Variants in SMARCAD1 observed in about 807,000 individuals in gnomAD.
SMARCAD1 encodes SNF2 related chromatin remodeling ATPase with DExD box 1, also known as SWI/SNF-related matrix-associated actin-dependent regulator of chromatin subfamily A containing DEAD/H box 1.
In SMARCAD1, 25 loss-of-function variants were observed where a neutral mutation model predicts 127.1. That is an observed-to-expected ratio of 0.20 (90% CI 0.14 to 0.27). SMARCAD1 has a LOEUF of 0.27. Ranked by LOEUF, SMARCAD1 falls within the 10% of genes least tolerant of loss-of-function variation. The pLI is 1.00. For synonymous variants in SMARCAD1, 400 were observed against 396.9 expected (o/e 1.01, Z -0.09); for missense variants, 807 against 1,206.0 (o/e 0.67, Z 4.90).
intron 5 of SMARCAD1, among the ~76,000 whole-genome samples, chr4:94,239,967 T>A (rs535746940): frequency 6.6e-6 from 1 of 152,304 alleles, no homozygotes; most frequent in East Asian, 1.9e-4. Context: ...AAATATTACA[T>A]TTAGAATATT....
intron 2 of SMARCAD1, among the ~76,000 whole-genome samples, chr4:94,212,417 C>T (rs1213031955): frequency 6.6e-6 from 1 of 151,902 alleles, no homozygotes; most frequent in Non-Finnish European, 1.5e-5. Context: ...TCAAGTGATC[C>T]ACGTGCCTTG....
intron 2 of SMARCAD1, among the ~76,000 whole-genome samples, 191 bp from the exon 3 acceptor site, chr4:94,225,928 A>G (rs1319500112): frequency 1.3e-5 from 2 of 152,216 alleles, no homozygotes; most frequent in African/African-American, 4.8e-5. Flanking sequence ...TTAGTAAACA[A>G]CCTGTGAAAC....
At chr4:94,277,263 T>C in intron 16 of SMARCAD1, 104 bp downstream of exon 16, 1 of 1,317,560 alleles carries the variant, frequency 7.6e-7, no homozygotes, top group Admixed American at 1.7e-5. Context: ...ATATGCTCTA[T>C]GAAGTAACTT....
At chr4:94,208,317 T>C in intron 1 of SMARCAD1, 29 bp from the exon 2 acceptor site, 1 of 1,493,836 alleles carries the variant, frequency 6.7e-7, no homozygotes, top group Non-Finnish European at 9.3e-7. Flanking sequence ...TTCATGGCCT[T>C]TTTTCCTCTC....
chr4:94,239,711 T>C (rs1747291377), intron 5 of SMARCAD1, among the ~76,000 whole-genome samples: 1 of 152,056 alleles, frequency 6.6e-6, no homozygotes, highest in Non-Finnish European at 1.5e-5. Context: ...TAGCTGGGAC[T>C]ACAGGCATGC....
chr4:94,277,235 T>C, intron 16 of SMARCAD1, 76 bp downstream of exon 16: 5 of 1,549,776 alleles, frequency 3.2e-6, no homozygotes, highest in Non-Finnish European at 4.4e-6. Context: ...TAGGTCTCTT[T>C]TGTTGTTTTC....
At chr4:94,275,046 G>A in intron 14 of SMARCAD1, 81 bp downstream of exon 14, 1 of 980,602 alleles carries the variant, frequency 1.0e-6, no homozygotes, top group Non-Finnish European at 1.6e-6. Context: ...GTACTATGTA[G>A]GAAAGTTTAT....
chr4:94,216,461 T>C (rs1197975210), intron 2 of SMARCAD1, among the ~76,000 whole-genome samples: 1 of 152,162 alleles, frequency 6.6e-6, no homozygotes, highest in African/African-American at 2.4e-5. Flanking sequence ...AAAATTATGA[T>C]AAAATACACA....
chr4:94,273,534 A>G, intron 11 of SMARCAD1, 83 bp from the exon 12 acceptor site: 1 of 1,034,714 alleles, frequency 9.7e-7, no homozygotes. Context: ...ACAGCACAGA[A>G]TTACTGCTTT....
At chr4:94,232,683 T>G (rs1746025576) in intron 3 of SMARCAD1, among the ~76,000 whole-genome samples, 1 of 152,190 alleles carries the variant, frequency 6.6e-6, no homozygotes. Flanking sequence ...CTAGGCATGG[T>G]GGCTCACACC....
intron 2 of SMARCAD1, among the ~76,000 whole-genome samples, chr4:94,216,507 A>G (rs1743215936): frequency 6.6e-6 from 1 of 152,220 alleles, no homozygotes; most frequent in Non-Finnish European, 1.5e-5. Flanking sequence ...TTTTAAGTGT[A>G]CAGTTCAGTA....
chr4:94,268,820 T>C (rs762777218), intron 10 of SMARCAD1, among the ~76,000 whole-genome samples: 3 of 152,216 alleles, frequency 2.0e-5, no homozygotes, highest in African/African-American at 2.4e-5. Context: ...ATTAAGCCCA[T>C]AGCATAGTCT....
chr4:94,260,138 T>C (rs1579247864), intron 9 of SMARCAD1, among the ~76,000 whole-genome samples: 1 of 152,220 alleles, frequency 6.6e-6, no homozygotes, highest in East Asian at 1.9e-4. Flanking sequence ...CAGTGTAGTT[T>C]AACATGTTCC....
chr4:94,276,238 G>A, intron 14 of SMARCAD1, 101 bp from the exon 15 acceptor site: 1 of 1,292,830 alleles, frequency 7.7e-7, no homozygotes, highest in Admixed American at 1.9e-5. Context: ...CTGGCTGTTA[G>A]AAATGTGTAA....
At chr4:94,232,143 G>A (rs1560523860) in intron 3 of SMARCAD1, among the ~76,000 whole-genome samples, 1 of 152,184 alleles carries the variant, frequency 6.6e-6, no homozygotes. Flanking sequence ...GATTACAGGT[G>A]TGAGCCACTG....
At chr4:94,228,440 A>C (rs2125841849) in intron 3 of SMARCAD1, among the ~76,000 whole-genome samples, 1 of 152,304 alleles carries the variant, frequency 6.6e-6, no homozygotes, top group South Asian at 2.1e-4. Flanking sequence ...TAACAGTAAT[A>C]TTTCAAACCC....
chr4:94,260,745 A>G (rs533260142), intron 9 of SMARCAD1, among the ~76,000 whole-genome samples: 1 of 152,312 alleles, frequency 6.6e-6, no homozygotes, highest in South Asian at 2.1e-4. Flanking sequence ...AAAATTCAGA[A>G]TAAATGTTTA....
At chr4:94,251,400 C>G (rs1165471995) in intron 8 of SMARCAD1, among the ~76,000 whole-genome samples, 2 of 152,158 alleles carry the variant, frequency 1.3e-5, no homozygotes, top group Admixed American at 6.5e-5. Flanking sequence ...GCAAACCCAG[C>G]ATGGTAGCTT....
rs142402491 is a variant in SMARCAD1 at position 94,237,772 on chromosome 4, G to A, written c.604+754G>A. Among the ~76,000 whole-genome samples the A allele has an allele frequency of 1.3e-3, 193 of 152,162 alleles. 1 individual carries two copies. Among genetic ancestry groups the A allele is most frequent in the African/African-American group, 4.5e-3 (187 of 41,548 alleles). ...GACTACCCACAGGATTAGTTTAACT[G>A]TTTCCCTATTAGCACTTACGTTTTC... On this transcript the variant is annotated intron_variant, in intron 5 of 23. Coordinates refer to ENST00000354268, the MANE Select transcript of SMARCAD1 (RefSeq NM_020159.5).
Sources: gnomAD v4.1 joint callset for allele counts (sites outside exome capture counted in the v4.1 genomes callset) on GRCh38, gnomAD v4.1.1 for gene constraint, MANE v1.5 for transcripts, NCBI Gene and HGNC (gene_info 2026-07-23, HGNC 2026-07-21) for gene names.